Variants in TRMT44 observed in about 807,000 individuals in gnomAD.
TRMT44 encodes the protein tRNA methyltransferase 44 homolog.
Under a neutral mutation model 77.3 loss-of-function variants are expected in TRMT44, and 78 were observed. That is an observed-to-expected ratio of 1.01 (90% CI 0.84 to 1.22). The LOEUF is 1.22. Ranked by LOEUF, TRMT44 falls within the 50% of genes most tolerant of loss-of-function variation. The probability of loss-of-function intolerance (pLI) is 0.00; values close to 1 mark genes in which losing one functional copy is unlikely to be tolerated. For synonymous variants in TRMT44, 391 were observed against 383.3 expected (o/e 1.02, Z -0.23); for missense variants, 1,090 against 964.4 (o/e 1.13, Z -1.73).
chr4:8,477,937 C>T (rs953560230), downstream of TRMT44: 1 of 152,848 alleles, frequency 6.5e-6, no homozygotes, highest in Non-Finnish European at 1.5e-5. Flanking sequence ...AGGGGCACAC[C>T]TCCTGAGCTA....
chr4:8,455,253 G>C (rs1411133702), intron 6 of TRMT44, among the ~76,000 whole-genome samples: 1 of 152,374 alleles, frequency 6.6e-6, no homozygotes, highest in African/African-American at 2.4e-5. Flanking sequence ...AAAGGGCGGT[G>C]GCTGTGCCAG....
In TRMT44 at chr4:8,475,985, G is replaced by C. The variant is rs1422349904; in HGVS notation, c.2258G>C (p.Arg753Thr). The C allele has an allele frequency of 5.6e-6, 9 of 1,613,934 alleles. No individual in the cohort carries two copies. The highest frequency in any genetic ancestry group is 1.7e-5 in the Admixed American group (1 of 60,016). Residue 753 changes from arginine to threonine, a missense_variant, in exon 11 of 11, where the codon AGG (arginine) becomes ACG (threonine). Arg to Thr is a moderately conservative substitution (Grantham distance 71, BLOSUM62 -1). Coordinates refer to ENST00000389737, the MANE Select transcript of TRMT44 (RefSeq NM_152544.3). Reference protein sequence around the residue: ...AELRPPRTTPRKKIS With the variant: ...AELRPPRTTPTKKIS The stretch of plus-strand genomic sequence containing the variant: ...CTGCGGCCACCCCGGACCACCCCGA[G>C]GAAGAAGATTTCATGAGCTGCATCC...
chr4:8,452,350 C>T lies in TRMT44; in HGVS notation c.1023+322C>T, dbSNP rs1179367011. ...CGTGTCTTCCGGCCCTGGCCTAGAA[C>T]CTTCTAGCCCTTTCCTCAGCTGGCT... On this transcript the variant is annotated intron_variant, in intron 4 of 10. Transcript: ENST00000389737. This position sits in a 1 kb window ranked among gnomAD's most constrained non-coding sequence, Gnocchi z 5.7. Among the ~76,000 whole-genome samples, 1 of 152,236 alleles carries T rather than the reference C, an allele frequency of 6.6e-6. No individual in the cohort carries two copies. The highest frequency in any genetic ancestry group is 1.5e-5 in the Non-Finnish European group (1 of 68,042).
chr4:8,516,730 A>G, the TRMT44 span, among the ~76,000 whole-genome samples: 93 of 152,270 alleles, frequency 6.1e-4, no homozygotes, highest in Middle Eastern at 6.8e-3. Context: ...GTCAGCCAAG[A>G]TCGCACCATT....
At chr4:8,469,897 T>A (rs1435880087) in intron 9 of TRMT44, among the ~76,000 whole-genome samples, 1 of 152,246 alleles carries the variant, frequency 6.6e-6, no homozygotes, top group African/African-American at 2.4e-5. Flanking sequence ...CTCCAGGACC[T>A]CACCCATCCT....
At chr4:8,506,118 C>G in the TRMT44 span, among the ~76,000 whole-genome samples, 1 of 152,214 alleles carries the variant, frequency 6.6e-6, no homozygotes, top group Non-Finnish European at 1.5e-5. Flanking sequence ...AGTATGTGCT[C>G]CTGATGAGGA....
chr4:8,475,914 C>T lies in TRMT44; in HGVS notation c.2187C>T (p.Cys729=), dbSNP rs149839043. The part of the protein sequence containing the change: ...CWFFMHHPDG[C]ALSTDCCPFA... Reference sequence around the variant, plus strand: ...TCTTCATGCATCACCCTGATGGCTGCGCTCTGTCCACGGACTGCTGCCCGT... The same window carrying T: ...TCTTCATGCATCACCCTGATGGCTGTGCTCTGTCCACGGACTGCTGCCCGT... Residue 729 remains cysteine (C), a synonymous_variant, in exon 11 of 11, where the codon TGC becomes TGT. Coordinates refer to ENST00000389737, the MANE Select transcript of TRMT44 (RefSeq NM_152544.3). 52 of 1,614,188 alleles carry T rather than the reference C, an allele frequency of 3.2e-5. No individual in the cohort carries two copies. Among genetic ancestry groups the T allele is most frequent in the South Asian group, 7.7e-5 (7 of 91,086 alleles).
the TRMT44 span, among the ~76,000 whole-genome samples, chr4:8,514,113 G>T: frequency 6.6e-6 from 1 of 152,176 alleles, no homozygotes; most frequent in Admixed American, 6.5e-5. Context: ...GGGAGTGGAG[G>T]CACTACACGT....
At chr4:8,485,705 A>G (rs1727781120) in intron 2 of TRMT44, among the ~76,000 whole-genome samples, 1 of 152,182 alleles carries the variant, frequency 6.6e-6, no homozygotes, top group Non-Finnish European at 1.5e-5. Flanking sequence ...GCTGTAGTCC[A>G]GGAATAGTCA....
chr4:8,467,547 A>G (rs78287317), intron 8 of TRMT44, among the ~76,000 whole-genome samples: 4,332 of 152,280 alleles, frequency 0.028, 94 homozygotes, highest in Non-Finnish European at 0.044. Flanking sequence ...CATTGGCACA[A>G]TCTTGGCTCA....
Position 8,452,876 on chromosome 4 carries a change from A to C in TRMT44, c.1024-6A>C. ...CTGACTTTGTTTTGTTTTTCTCTTC[A>C]CTTAGATTCTATGGGAAGAAGAAAG... On this transcript the variant is annotated splice_polypyrimidine_tract_variant and splice_region_variant and intron_variant, in intron 4 of 10. Transcript: ENST00000389737. This position sits in a 1 kb window ranked among gnomAD's most constrained non-coding sequence, Gnocchi z 5.7. 6.7e-7 allele frequency: 1 copy of C among 1,496,568 alleles called. No individual in the cohort carries two copies. The highest frequency in any genetic ancestry group is 1.2e-5 in the South Asian group (1 of 81,166). 92.7% of individuals were successfully genotyped at this position (1,496,568 alleles called of 1,614,324 possible).
At chr4:8,490,996 A>C (rs1285320321) in intron 2 of TRMT44, among the ~76,000 whole-genome samples, 1 of 151,982 alleles carries the variant, frequency 6.6e-6, no homozygotes, top group African/African-American at 2.4e-5. Flanking sequence ...CGACTGGTGC[A>C]TTCACAAACC....
chr4:8,445,052 T>C (rs73211359), intron 1 of TRMT44, among the ~76,000 whole-genome samples: 1 of 152,132 alleles, frequency 6.6e-6, no homozygotes, highest in Non-Finnish European at 1.5e-5. Flanking sequence ...CTCCCAACAA[T>C]AAGGAGTTAT....
At chr4:8,467,698 C>T (rs1253775849) in intron 8 of TRMT44, among the ~76,000 whole-genome samples, 1 of 152,182 alleles carries the variant, frequency 6.6e-6, no homozygotes, top group Admixed American at 6.5e-5. Context: ...CCAGGCTGGT[C>T]TGAAACTCAA....
intron 8 of TRMT44, among the ~76,000 whole-genome samples, chr4:8,467,426 T>C (rs993913607): frequency 1.3e-5 from 2 of 152,198 alleles, no homozygotes; most frequent in Non-Finnish European, 2.9e-5. Context: ...TCTTACTGTT[T>C]TTTTAATTTT....
At chr4:8,453,116 G>C in intron 5 of TRMT44, 127 bp downstream of exon 5, 1 of 528,214 alleles carries the variant, frequency 1.9e-6, no homozygotes, top group Non-Finnish European at 3.3e-6. Flanking sequence ...TATCAGAGTA[G>C]GTAGAGACTT....
chr4:8,460,713 C>G (rs957022286), intron 6 of TRMT44, among the ~76,000 whole-genome samples: 1 of 152,078 alleles, frequency 6.6e-6, no homozygotes, highest in Admixed American at 6.6e-5. Flanking sequence ...ACCACCACTA[C>G]GCCTGACTAA....
At chr4:8,471,490 G>A (rs375816504) in intron 10 of TRMT44, among the ~76,000 whole-genome samples, 10 of 152,350 alleles carry the variant, frequency 6.6e-5, no homozygotes, top group East Asian at 1.9e-4. Context: ...CTTGCTCCAC[G>A]CAGGACAGAG....
chr4:8,505,578 C>T, the TRMT44 span, among the ~76,000 whole-genome samples: 5 of 152,214 alleles, frequency 3.3e-5, no homozygotes, highest in Non-Finnish European at 5.9e-5. Flanking sequence ...GCCTGCCCTC[C>T]GCTGCACTAG....
Sources: gnomAD v4.1 joint callset for allele counts (sites outside exome capture counted in the v4.1 genomes callset) on GRCh38, gnomAD v4.1.1 for gene constraint, Gnocchi (gnomAD v3.1) non-coding constraint, MANE v1.5 for transcripts, NCBI Gene and HGNC (gene_info 2026-07-23, HGNC 2026-07-21) for gene names.